CTNND2: variants seen among roughly 807,000 people sequenced by gnomAD.
The protein encoded by CTNND2 is catenin delta 2.
CTNND2 carries 22 observed loss-of-function variants against 144.4 expected under a neutral mutation model. The observed-to-expected ratio is 0.15, with a 90% CI of 0.11 to 0.22. The LOEUF is 0.22. Among genes scored for constraint, CTNND2 ranks in the 10% least tolerant of loss-of-function variants. The pLI is 1.00. For synonymous variants in CTNND2, 751 were observed against 695.6 expected (o/e 1.08, Z -1.25); for missense variants, 1,353 against 1,618.8 (o/e 0.84, Z 2.82).
intron 16 of CTNND2, among the ~76,000 whole-genome samples, chr5:11,065,261 A>G (rs1747439059): frequency 6.6e-6 from 1 of 152,230 alleles, no homozygotes; most frequent in Non-Finnish European, 1.5e-5. Flanking sequence ...GATTATAAGT[A>G]TGAGGTCACT....
chr5:11,425,749 T>C (rs1025029677), intron 3 of CTNND2, among the ~76,000 whole-genome samples: 1 of 152,206 alleles, frequency 6.6e-6, no homozygotes, highest in Non-Finnish European at 1.5e-5. Flanking sequence ...GGGATTTTTA[T>C]CATCTCTTGC....
At chr5:11,344,568 TC>T (rs1754585775) in intron 9 of CTNND2, among the ~76,000 whole-genome samples, 1 of 152,142 alleles carries the variant, frequency 6.6e-6, no homozygotes, top group Non-Finnish European at 1.5e-5. Context: ...TCTTTTCTTT[TC>T]TTTTTTTTGG....
chr5:11,437,069 T>C (rs186400009), intron 3 of CTNND2, among the ~76,000 whole-genome samples: 7 of 152,308 alleles, frequency 4.6e-5, no homozygotes, highest in African/African-American at 2.4e-5. Flanking sequence ...AAAAACCCAA[T>C]AGTATGCTTT....
At chr5:11,540,498 T>C (rs1774625892) in intron 3 of CTNND2, among the ~76,000 whole-genome samples, 1 of 152,204 alleles carries the variant, frequency 6.6e-6, no homozygotes, top group African/African-American at 2.4e-5. Context: ...AAGGTCATAC[T>C]GTTCATGCTG....
In CTNND2 at chr5:11,496,954, C is replaced by T. The variant is rs189134825; in HGVS notation, c.287+67990G>A. Among the ~76,000 whole-genome samples, 11 of 152,250 alleles carry T rather than the reference C, an allele frequency of 7.2e-5. No individual in the cohort carries two copies. The East Asian group carries it at 1.6e-3, about 21-fold the overall frequency. ...CTCCTGAGTTCCTGAGTTTTGACTG[C>T]CTGATATCGGCATATTACTGGGCTA... is the stretch of plus-strand genomic sequence containing the variant. On this transcript the variant is annotated intron_variant, in intron 3 of 21. Coordinates refer to ENST00000304623, the MANE Select transcript of CTNND2 (RefSeq NM_001332.4).
In CTNND2 at chr5:11,225,273, C is replaced by T. The variant is rs1275107230; in HGVS notation, c.1761+11418G>A. 3.9e-5 allele frequency among the ~76,000 whole-genome samples: 6 copies of T among 152,194 alleles called. No individual in the cohort carries two copies. In the East Asian group the frequency reaches 9.6e-4, roughly 24 times the overall value. On this transcript the variant is annotated intron_variant, in intron 10 of 21. Coordinates refer to ENST00000304623, the MANE Select transcript of CTNND2 (RefSeq NM_001332.4). ...TACCAATGATAATTCTCCAAAACAA[C>T]TTGTGTAATCACTCTGAGCTTCCTT... is the stretch of plus-strand genomic sequence containing the variant.
intron 2 of CTNND2, among the ~76,000 whole-genome samples, chr5:11,704,812 C>A (rs1397052405): frequency 1.3e-5 from 2 of 151,840 alleles, no homozygotes; most frequent in Non-Finnish European, 2.9e-5. Flanking sequence ...AGCATATTTA[C>A]TTGGCTCCCT....
intron 2 of CTNND2, among the ~76,000 whole-genome samples, chr5:11,641,681 CATATACGTGTGTGTAT>C (rs1418236414): frequency 3.1e-4 from 35 of 113,064 alleles, no homozygotes; most frequent in African/African-American, 1.3e-3. Context: ...TGTGTATATA[CATATACGTGTGTGTAT>C]ATACATATAC....
intron 16 of CTNND2, among the ~76,000 whole-genome samples, chr5:11,034,420 C>G (rs1176960701): frequency 6.6e-6 from 1 of 152,206 alleles, no homozygotes; most frequent in Non-Finnish European, 1.5e-5. Context: ...AGTTACTCCA[C>G]CAAATTCCTC....
At chr5:11,038,924 T>C (rs550799431) in intron 16 of CTNND2, among the ~76,000 whole-genome samples, 1 of 152,302 alleles carries the variant, frequency 6.6e-6, no homozygotes, top group African/African-American at 2.4e-5. Flanking sequence ...TGGTTAAATC[T>C]ATTTTAGGGG....
At chr5:11,658,200 CAAGT>C (rs983752845) in intron 2 of CTNND2, among the ~76,000 whole-genome samples, 5 of 151,550 alleles carry the variant, frequency 3.3e-5, no homozygotes, top group African/African-American at 9.7e-5. Context: ...TCTTTTTAAC[CAAGT>C]AAGAATAAAA....
chr5:11,639,098 A>G (rs1781860383), intron 2 of CTNND2, among the ~76,000 whole-genome samples: 2 of 152,074 alleles, frequency 1.3e-5, no homozygotes, highest in African/African-American at 4.8e-5. Context: ...ACATTTGACA[A>G]TATCTGGAGA....
intron 12 of CTNND2, among the ~76,000 whole-genome samples, chr5:11,142,522 A>G (rs796476396): frequency 8.5e-5 from 13 of 152,066 alleles, no homozygotes; most frequent in African/African-American, 3.1e-4. Flanking sequence ...CCTCATTTTT[A>G]TAGTTCACTT....
At chr5:11,559,716 T>C (rs149349225) in intron 3 of CTNND2, among the ~76,000 whole-genome samples, 2 of 152,314 alleles carry the variant, frequency 1.3e-5, no homozygotes, top group African/African-American at 2.4e-5. Flanking sequence ...CCTGCTTCTC[T>C]GCAGCTTGCT....
intron 1 of CTNND2, among the ~76,000 whole-genome samples, chr5:11,753,007 C>T (rs967299843): frequency 1.3e-5 from 2 of 151,734 alleles, no homozygotes; most frequent in Admixed American, 1.3e-4. Context: ...ACAAATGCTA[C>T]TGATTTTTGT....
chr5:11,481,118 G>A (rs1768223101), intron 3 of CTNND2, among the ~76,000 whole-genome samples: 1 of 152,066 alleles, frequency 6.6e-6, no homozygotes, highest in African/African-American at 2.4e-5. Context: ...CCATTGGCAG[G>A]GGACTCACAG....
intron 9 of CTNND2, among the ~76,000 whole-genome samples, chr5:11,306,203 A>G (rs1750185078): frequency 6.6e-6 from 1 of 152,254 alleles, no homozygotes; most frequent in Admixed American, 6.5e-5. Flanking sequence ...CTCTGACAAT[A>G]GAAGAGGCAA....
At chr5:11,273,814 T>C (rs1290422512) in intron 9 of CTNND2, among the ~76,000 whole-genome samples, 1 of 152,154 alleles carries the variant, frequency 6.6e-6, no homozygotes, top group East Asian at 1.9e-4. Flanking sequence ...GCTCCCTCTG[T>C]GTATATTTTC....
chr5:11,230,501 C>T (rs936449863), intron 10 of CTNND2, among the ~76,000 whole-genome samples: 2 of 152,172 alleles, frequency 1.3e-5, no homozygotes, highest in African/African-American at 2.4e-5. Flanking sequence ...ACTTTCCCAA[C>T]AATCTAGGAG....
Sources: allele counts gnomAD v4.1 joint callset (sites outside exome capture counted in the v4.1 genomes callset), GRCh38; gene constraint gnomAD v4.1.1; transcripts MANE v1.5; gene names NCBI Gene and HGNC (gene_info 2026-07-23, HGNC 2026-07-21).